TENM1: variants seen among roughly 807,000 people sequenced by gnomAD.
TENM1 encodes teneurin transmembrane protein 1, also known as teneurin-1.
A neutral mutation model predicts 174.8 loss-of-function variants in TENM1; 35 were observed. That is an observed-to-expected ratio of 0.20 (90% CI 0.15 to 0.27). TENM1 has a LOEUF of 0.27. Ranked by LOEUF, TENM1 falls within the 10% of genes least tolerant of loss-of-function variation. The probability of loss-of-function intolerance (pLI) is 1.00; values close to 1 mark genes in which losing one functional copy is unlikely to be tolerated. For synonymous variants in TENM1, 781 were observed against 798.7 expected (o/e 0.98, Z 0.37); for missense variants, 1,633 against 2,130.1 (o/e 0.77, Z 4.59).
chrX:124,574,326 ACT>A (rs1238945080), intron 11 of TENM1, among the ~76,000 whole-genome samples: 2 of 110,788 alleles, frequency 1.8e-5, no homozygotes, highest in African/African-American at 6.6e-5. Context: ...AGTAATGTAA[ACT>A]CTGTTATTCT....
At chrX:125,028,515 C>T in the TENM1 span, among the ~76,000 whole-genome samples, 2 of 111,282 alleles carry the variant, frequency 1.8e-5, no homozygotes, top group Non-Finnish European at 3.8e-5. Context: ...GAACAACATA[C>T]ACTGGGGCCT....
At chrX:124,601,876 TA>T (rs969194611) in intron 11 of TENM1, among the ~76,000 whole-genome samples, 3 of 111,073 alleles carry the variant, frequency 2.7e-5, no homozygotes, top group African/African-American at 9.8e-5. Context: ...CTTGGGAGAA[TA>T]CATTTTTCTA....
At chrX:124,768,143 T>C (rs749371349) in intron 3 of TENM1, among the ~76,000 whole-genome samples, 17 of 111,690 alleles carry the variant, frequency 1.5e-4, no homozygotes, top group African/African-American at 4.5e-4. Flanking sequence ...AAAATTAGAC[T>C]CTATGATTGT....
upstream of TENM1, among the ~76,000 whole-genome samples, chrX:124,968,633 C>T (rs2058755624): frequency 9.0e-6 from 1 of 111,713 alleles, no homozygotes; most frequent in African/African-American, 3.3e-5. Flanking sequence ...TCCTTCAAAC[C>T]ACAAAAGTAG....
intron 11 of TENM1, among the ~76,000 whole-genome samples, chrX:124,568,617 A>T (rs2843528): frequency 1.8e-5 from 2 of 110,701 alleles, no homozygotes; most frequent in African/African-American, 3.3e-5. Flanking sequence ...TTCTAGTAAT[A>T]GGGACCTAAG....
chrX:124,634,407 G>A (rs866476283), intron 11 of TENM1, among the ~76,000 whole-genome samples: 2 of 111,320 alleles, frequency 1.8e-5, no homozygotes, highest in East Asian at 2.8e-4. Flanking sequence ...ACCTGCAATC[G>A]TAGGTTCCTA....
At chrX:124,879,986 C>T (rs1044186816) in intron 3 of TENM1, among the ~76,000 whole-genome samples, 1 of 111,994 alleles carries the variant, frequency 8.9e-6, no homozygotes, top group East Asian at 2.8e-4. Context: ...AAGTGTGATG[C>T]TTCCAGCTTT....
chrX:124,668,197 C>T (rs1258649052), intron 6 of TENM1, among the ~76,000 whole-genome samples: 1 of 111,551 alleles, frequency 9.0e-6, no homozygotes, highest in Non-Finnish European at 1.9e-5. Context: ...AGTCAGGAAA[C>T]AACAGGTGCT....
At chrX:124,482,086 T>G (rs966951551) in intron 21 of TENM1, 122 bp from the exon 25 acceptor site, 1 of 446,179 alleles carries the variant, frequency 2.2e-6, no homozygotes, top group Admixed American at 3.8e-5. Context: ...ATCTTCCTTC[T>G]TAAGTACCAA....
At chrX:124,535,468 C>A (rs1226684901) in intron 15 of TENM1, among the ~76,000 whole-genome samples, 1 of 111,573 alleles carries the variant, frequency 9.0e-6, no homozygotes, top group African/African-American at 3.3e-5. Context: ...CATGTTGAAA[C>A]TGTCATGACA....
intron 6 of TENM1, among the ~76,000 whole-genome samples, chrX:124,655,400 A>T (rs1033032854): frequency 5.4e-5 from 6 of 112,112 alleles, no homozygotes; most frequent in African/African-American, 1.9e-4. Flanking sequence ...AGGAGGAGCA[A>T]GATTTAGTTT....
At chrX:124,384,194 T>C in exon 30 of TENM1, 1 of 1,210,533 alleles carries the variant, frequency 8.3e-7, no homozygotes, top group Non-Finnish European at 1.1e-6. Context: ...AGAAGCCTTA[T>C]TGTAGGCTTT....
intron 1 of TENM1, among the ~76,000 whole-genome samples, chrX:124,961,015 T>C (rs914043144): frequency 1.1e-4 from 12 of 112,012 alleles, no homozygotes; most frequent in Non-Finnish European, 1.7e-4. Flanking sequence ...ATGAGTAATA[T>C]AGTTAACATC....
intron 1 of TENM1, among the ~76,000 whole-genome samples, chrX:124,909,226 A>G (rs1361546818): frequency 8.9e-6 from 1 of 112,471 alleles, no homozygotes; most frequent in Non-Finnish European, 1.9e-5. Flanking sequence ...GTCCAAAGTC[A>G]CACAGATACC....
intron 4 of TENM1, among the ~76,000 whole-genome samples, chrX:124,734,755 T>A (rs2148546398): frequency 8.9e-6 from 1 of 112,101 alleles, no homozygotes. Context: ...GAGAGTTGAC[T>A]AGTCCTTCTC....
intron 4 of TENM1, among the ~76,000 whole-genome samples, chrX:124,730,099 A>G (rs762242673): frequency 8.2e-5 from 9 of 110,275 alleles, no homozygotes; most frequent in African/African-American, 3.0e-4. Context: ...GGAACTCCTG[A>G]CCTCAGGTGA....
the TENM1 span, among the ~76,000 whole-genome samples, chrX:125,203,241 C>G: frequency 8.0e-5 from 9 of 112,843 alleles, no homozygotes; most frequent in Non-Finnish European, 1.3e-4. Context: ...TGCGTCCTAG[C>G]CCTTGGGCAT....
the TENM1 span, among the ~76,000 whole-genome samples, chrX:125,018,925 T>A: frequency 8.9e-6 from 1 of 111,979 alleles, no homozygotes; most frequent in African/African-American, 3.2e-5. Context: ...CTCATCAATC[T>A]TTGACAAATG....
At chrX:124,658,170 C>CCTTTCCATCTA (rs780440539) in intron 6 of TENM1, among the ~76,000 whole-genome samples, 2 of 111,734 alleles carry the variant, frequency 1.8e-5, no homozygotes, top group East Asian at 5.6e-4. Context: ...TGGAAAGCTA[C>CCTTTCCATCTA]TGTTTCCATC....
Sources: allele counts gnomAD v4.1 joint callset (sites outside exome capture counted in the v4.1 genomes callset), GRCh38; gene constraint gnomAD v4.1.1; transcripts MANE v1.5; gene names NCBI Gene and HGNC (gene_info 2026-07-23, HGNC 2026-07-21).